PFDN2: variants seen among roughly 807,000 people sequenced by gnomAD.
PFDN2 encodes prefoldin subunit 2, also known as prefoldin 2.
In PFDN2, 7 loss-of-function variants were observed where a neutral mutation model predicts 18.3. The ratio of observed to expected loss-of-function variants is 0.38; its 90% CI spans 0.22 to 0.72. The LOEUF (loss-of-function observed/expected upper bound fraction) is 0.72. Ranked by LOEUF, PFDN2 falls within the 30% of genes least tolerant of loss-of-function variation. The pLI is 0.47. For missense variants in PFDN2, 181 were observed against 199.1 expected (o/e 0.91, Z 0.55); for synonymous variants, 76 against 75.0 (o/e 1.01, Z -0.07).
chr1:161,102,152 T>A lies in PFDN2; in HGVS notation c.184A>T (p.Lys62Ter), dbSNP rs1654578865. 1 of 1,614,082 alleles carries A rather than the reference T, an allele frequency of 6.2e-7. No homozygotes were observed. Among genetic ancestry groups the A allele is most frequent in the Admixed American group, 1.7e-5 (1 of 60,000 alleles). Reference protein sequence around the residue: ...NEHSLVIDTLKEVDETRKCYR... With the variant: ...NEHSLVIDTL ...CACTTACGAGTTTCATCTACCTCCT[T>A]CAGTGTATCGATCACTAGGCTGGGA... Residue 62 changes from lysine to a stop codon, truncating the protein, a stop_gained, in exon 3 of 4, where the codon AAG becomes TAG. Coordinates refer to ENST00000368010, the MANE Select transcript of PFDN2 (RefSeq NM_012394.4). LOFTEE classifies it high-confidence loss of function.
At chr1:161,116,046 G>C (rs2101708609) in intron 1 of PFDN2, among the ~76,000 whole-genome samples, 1 of 152,096 alleles carries the variant, frequency 6.6e-6, no homozygotes, top group Non-Finnish European at 1.5e-5. Flanking sequence ...AAGAAAGTGA[G>C]ACTCCCATCT....
chr1:161,117,064 C>G (rs1470993020), intron 1 of PFDN2, among the ~76,000 whole-genome samples: 1 of 151,386 alleles, frequency 6.6e-6, no homozygotes, highest in African/African-American at 2.4e-5. Flanking sequence ...GAAACCCCGT[C>G]TCTACTAAAA....
chr1:161,101,563 G>C (rs899514528), intron 3 of PFDN2, among the ~76,000 whole-genome samples: 1 of 152,172 alleles, frequency 6.6e-6, no homozygotes, highest in Non-Finnish European at 1.5e-5. Flanking sequence ...GGTCTGGGAA[G>C]CTGCATTTAT....
chr1:161,113,138 C>T, intron 1 of PFDN2, among the ~76,000 whole-genome samples: 1 of 152,124 alleles, frequency 6.6e-6, no homozygotes, highest in South Asian at 2.1e-4. Flanking sequence ...AACATATATC[C>T]TTCTGTGACT....
Position 161,102,035 on chromosome 1 carries a change from G to C in PFDN2, c.288+13C>G. 6.2e-7 allele frequency: 1 copy of C among 1,614,026 alleles called. No individual in the cohort carries two copies. The highest frequency in any genetic ancestry group is 1.1e-5 in the South Asian group (1 of 91,072). On this transcript the variant is annotated intron_variant, in intron 3 of 3. Coordinates refer to ENST00000368010, the MANE Select transcript of PFDN2 (RefSeq NM_012394.4). ...GCCACTGTACCCGATCCTATTCAAT[G>C]ATTCTTGCTCACCTGCTCCTTGTTG...
At chr1:161,111,676 T>C (rs1375605586) in intron 1 of PFDN2, among the ~76,000 whole-genome samples, 1 of 151,942 alleles carries the variant, frequency 6.6e-6, no homozygotes. Context: ...TCCCCTTTGG[T>C]TTCCAGGTCC....
At chr1:161,101,800 C>A (rs759590866) in intron 3 of PFDN2, among the ~76,000 whole-genome samples, 1 of 152,222 alleles carries the variant, frequency 6.6e-6, no homozygotes, top group Non-Finnish European at 1.5e-5. Context: ...GTCACCCAGG[C>A]TGGAGTGCAG....
chr1:161,107,179 A>C (rs1381870836), intron 1 of PFDN2, among the ~76,000 whole-genome samples: 1 of 152,214 alleles, frequency 6.6e-6, no homozygotes, highest in Non-Finnish European at 1.5e-5. Context: ...TAATCCCAGC[A>C]CTTTGGGAGG....
chr1:161,116,995 G>A (rs1571192213), intron 1 of PFDN2, among the ~76,000 whole-genome samples: 1 of 152,250 alleles, frequency 6.6e-6, no homozygotes, highest in African/African-American at 2.4e-5. Flanking sequence ...AGTACTTTGG[G>A]AGGCCGAGGC....
intron 1 of PFDN2, among the ~76,000 whole-genome samples, chr1:161,107,306 T>A (rs781398471): frequency 2.6e-5 from 4 of 151,264 alleles, no homozygotes; most frequent in Non-Finnish European, 4.4e-5. Context: ...ATGCCTGTAG[T>A]CCCAGCTACT....
chr1:161,102,239 G>A (rs765941584), intron 2 of PFDN2, 48 bp downstream of exon 2: 2 of 1,612,890 alleles, frequency 1.2e-6, no homozygotes, highest in Middle Eastern at 1.7e-4. Flanking sequence ...CCCTCACGGA[G>A]TAGCCCACAC....
chr1:161,101,458 C>T (rs1018528116), intron 3 of PFDN2, among the ~76,000 whole-genome samples: 2 of 152,168 alleles, frequency 1.3e-5, no homozygotes, highest in Admixed American at 6.5e-5. Context: ...CTCGGCCTCC[C>T]AAAGTGCTGG....
intron 1 of PFDN2, among the ~76,000 whole-genome samples, chr1:161,114,428 C>T (rs1191453093): frequency 6.6e-6 from 1 of 152,246 alleles, no homozygotes; most frequent in African/African-American, 2.4e-5. Context: ...ACATGCCAGG[C>T]AGTTTCACGC....
At chr1:161,112,502 T>C (rs1235134502) in intron 1 of PFDN2, among the ~76,000 whole-genome samples, 1 of 152,224 alleles carries the variant, frequency 6.6e-6, no homozygotes. Context: ...GGCACAATTA[T>C]AGCACACTAT....
rs777162382 is a variant in PFDN2 at position 161,100,740 on chromosome 1, C to T, written c.408G>A (p.Lys136=). The T allele has an allele frequency of 6.2e-7, 1 of 1,614,140 alleles. No homozygotes were observed. The highest frequency in any genetic ancestry group is 1.1e-5 in the South Asian group (1 of 91,086). ...TAGCCCCAGCCCCTTCTGAGTTTTC[C>T]TTGGCTGCTGGCTTCTCATCTTCTC... is the stretch of plus-strand genomic sequence containing the variant. The part of the protein sequence containing the change: ...LMGEDEKPAA[K]ENSEGAGAKA... Residue 136 remains lysine (K), a synonymous_variant, in exon 4 of 4, where the codon AAG becomes AAA. Coordinates refer to ENST00000368010, the MANE Select transcript of PFDN2 (RefSeq NM_012394.4).
chr1:161,109,791 C>T (rs980412643), intron 1 of PFDN2, among the ~76,000 whole-genome samples: 5 of 152,120 alleles, frequency 3.3e-5, no homozygotes, highest in Admixed American at 1.3e-4. Flanking sequence ...GCCAGGAGTT[C>T]GAGACCAGTC....
intron 3 of PFDN2, 122 bp downstream of exon 3, chr1:161,101,926 T>G (rs1654571269): frequency 1.1e-6 from 1 of 916,876 alleles, no homozygotes; most frequent in South Asian, 1.5e-5. Context: ...AGTGATATGG[T>G]TTCACCATGT....
At chr1:161,115,372 ATAAGTTT>A (rs1553226856) in intron 1 of PFDN2, among the ~76,000 whole-genome samples, 1 of 152,218 alleles carries the variant, frequency 6.6e-6, no homozygotes, top group Non-Finnish European at 1.5e-5. Flanking sequence ...CCAACAATTC[ATAAGTTT>A]TAAGTTTCAC....
intron 1 of PFDN2, among the ~76,000 whole-genome samples, chr1:161,108,608 G>A (rs1354267647): frequency 1.3e-5 from 2 of 151,594 alleles, no homozygotes; most frequent in Non-Finnish European, 2.9e-5. Flanking sequence ...GACAAATAAT[G>A]CACGATTTAC....
Sources: allele counts gnomAD v4.1 joint callset (sites outside exome capture counted in the v4.1 genomes callset), GRCh38; gene constraint gnomAD v4.1.1; transcripts MANE v1.5; gene names NCBI Gene and HGNC (gene_info 2026-07-23, HGNC 2026-07-21).